The following SNORC variants were observed in gnomAD, a reference collection of about 807,000 sequenced individuals.
The protein encoded by SNORC is protein SNORC.
Under a neutral mutation model 9.7 loss-of-function variants are expected in SNORC, and 11 were observed. The observed-to-expected ratio is 1.14, with a 90% CI of 0.72 to 1.88. The LOEUF (loss-of-function observed/expected upper bound fraction) is 1.88, where lower values mean the gene tolerates loss of function less well. SNORC is among the 40% of genes most tolerant of loss of function. The pLI, the probability that SNORC is intolerant of heterozygous loss-of-function variation, is 0.00. For synonymous variants in SNORC, 108 were observed against 88.7 expected (o/e 1.22, Z -1.22); for missense variants, 197 against 173.1 (o/e 1.14, Z -0.77).
intron 1 of SNORC, among the ~76,000 whole-genome samples, chr2:232,874,648 C>T (rs951242212): frequency 6.6e-6 from 1 of 152,262 alleles, no homozygotes; most frequent in Non-Finnish European, 1.5e-5. Context: ...CTCGAGCATC[C>T]GCCTCTCTGG....
downstream of SNORC, chr2:232,876,757 C>T (rs1225670385): frequency 1.3e-5 from 13 of 985,444 alleles, no homozygotes; most frequent in South Asian, 4.7e-4. This position sits in a 1 kb window ranked among gnomAD's most constrained non-coding sequence, Gnocchi z 6.8. Flanking sequence ...GTGCGGCCAG[C>T]GGTCTTAGCC....
intron 1 of SNORC, chr2:232,875,624 C>T: frequency 2.0e-6 from 1 of 491,062 alleles, no homozygotes; most frequent in Non-Finnish European, 3.8e-6. Flanking sequence ...CTGAGAATGT[C>T]TCCTTTCTGC....
In SNORC at chr2:232,876,337, GAA is replaced by G; in HGVS notation, c.349_350del (p.Lys117ValfsTer?). The G allele has an allele frequency of 6.5e-7, 1 of 1,542,756 alleles. No homozygotes were observed. Among genetic ancestry groups the G allele is most frequent in the South Asian group, 1.2e-5 (1 of 84,462 alleles). On this transcript the variant is annotated frameshift_variant, in exon 3 of 3. Coordinates refer to ENST00000331342, the Ensembl canonical transcript of SNORC. LOFTEE classifies it high-confidence loss of function. This position sits in a 1 kb window ranked among gnomAD's most constrained non-coding sequence, Gnocchi z 6.8. ...CTGGCGCTCGTGGTCGTCGCGCTGA[GAA>G]AGTTTTCTGCCTCCTGAAGCGAATA...
intron 1 of SNORC, among the ~76,000 whole-genome samples, chr2:232,872,593 A>G (rs1559180890): frequency 6.6e-6 from 1 of 152,048 alleles, no homozygotes; most frequent in Non-Finnish European, 1.5e-5. Context: ...CCGCCATGGA[A>G]CTTTCTTGGG....
downstream of SNORC, chr2:232,877,960 G>A (rs1691339150): frequency 6.6e-6 from 1 of 152,232 alleles, no homozygotes; most frequent in African/African-American, 2.4e-5. Flanking sequence ...CTCCCCTCCA[G>A]GGACGAGAGA....
At chr2:232,869,330 C>T (rs1193208197), upstream of SNORC, among the ~76,000 whole-genome samples, 4 of 152,002 alleles carry the variant, frequency 2.6e-5, no homozygotes, top group Admixed American at 6.6e-5. Flanking sequence ...ACATAGAGCT[C>T]GTGGGTGGGA....
downstream of SNORC, chr2:232,876,940 G>A: frequency 1.0e-6 from 1 of 985,436 alleles, no homozygotes; most frequent in African/African-American, 1.7e-5. This position sits in a 1 kb window ranked among gnomAD's most constrained non-coding sequence, Gnocchi z 6.8. Context: ...GCTAGGGCAG[G>A]AGAGGCCGAC....
chr2:232,876,895 C>T (rs1163576694), downstream of SNORC: 17 of 985,312 alleles, frequency 1.7e-5, no homozygotes, highest in South Asian at 4.7e-5. The surrounding 1 kb of genome is among the most constrained non-coding windows in gnomAD (Gnocchi z 6.8). Context: ...CATCCCGCTC[C>T]GCTGGGGTTC....
chr2:232,876,567 G>A, downstream of SNORC: 3 of 1,163,688 alleles, frequency 2.6e-6, no homozygotes, highest in Non-Finnish European at 2.1e-6. The surrounding 1 kb of genome is among the most constrained non-coding windows in gnomAD (Gnocchi z 6.8). Context: ...CCGCAGGGGC[G>A]CCGGGGCGTG....
At chr2:232,871,840 G>A (rs963093130) in intron 1 of SNORC, among the ~76,000 whole-genome samples, 3 of 152,202 alleles carry the variant, frequency 2.0e-5, no homozygotes, top group Non-Finnish European at 2.9e-5. Flanking sequence ...CTGGGCCTGG[G>A]CTGCCTGTGG....
At chr2:232,877,556 A>C (rs1691321323), downstream of SNORC, 1 of 173,188 alleles carries the variant, frequency 5.8e-6, no homozygotes. Flanking sequence ...CTCTTTTTTA[A>C]AAATTCATTT....
rs1691232135 is a variant in SNORC, at chr2:232,876,188, G to A, written c.257-59G>A. On this transcript the variant is annotated intron_variant, in intron 2 of 2. Transcript: ENST00000331342. This position sits in a 1 kb window ranked among gnomAD's most constrained non-coding sequence, Gnocchi z 6.8. ...AGGAGGGGCGGGGGGCGGGGGGCGC[G>A]GGGAGAAGGGCCGGCCAGGCGGGGG... is the stretch of plus-strand genomic sequence containing the variant. 1 of 1,426,956 alleles carries A rather than the reference G, an allele frequency of 7.0e-7. No individual in the cohort carries two copies. The highest frequency in any genetic ancestry group is 2.6e-5 in the Admixed American group (1 of 38,902). The allele number at this position is 1,426,956 out of a possible 1,614,324, so 88.4% of individuals were successfully genotyped here. A position where few individuals can be genotyped will look rare whatever the true frequency, so the allele number is the denominator to read the frequency against.
chr2:232,868,652 C>A (rs1690921998), upstream of SNORC, among the ~76,000 whole-genome samples: 1 of 152,110 alleles, frequency 6.6e-6, no homozygotes, highest in Non-Finnish European at 1.5e-5. Context: ...AAAGATAAAT[C>A]CACCCCAACA....
upstream of SNORC, among the ~76,000 whole-genome samples, chr2:232,867,650 A>G (rs1690904003): frequency 6.6e-6 from 1 of 152,210 alleles, no homozygotes; most frequent in Non-Finnish European, 1.5e-5. Context: ...GCCTTGGCTC[A>G]CGCCTGCCTC....
At chr2:232,877,339 C>A, downstream of SNORC, 6 of 985,432 alleles carry the variant, frequency 6.1e-6, no homozygotes. Context: ...GGGTCCCCAC[C>A]TCGGAAGCAT....
rs1691244963 is a variant in SNORC at position 232,876,397 on chromosome 2, C to T, written c.*41C>T. On this transcript the variant is annotated 3_prime_UTR_variant, in exon 3 of 3. Transcript: ENST00000331342. The surrounding 1 kb of genome is among the most constrained non-coding windows in gnomAD (Gnocchi z 6.8). The stretch of plus-strand genomic sequence containing the variant: ...CGCGCCCGGCCGCGGCGCGACTCGG[C>T]TGCACTCCTCACGCGCCTGTATGTC... 6.6e-7 allele frequency: 1 copy of T among 1,506,334 alleles called. No homozygotes were observed. The highest frequency in any genetic ancestry group is 1.5e-5 in the African/African-American group (1 of 68,602). The allele number at this position is 1,506,334 out of a possible 1,614,324, so 93.3% of individuals were successfully genotyped here. A position where few individuals can be genotyped will look rare whatever the true frequency, so the allele number is the denominator to read the frequency against.
chr2:232,867,896 C>T (rs1690907863), upstream of SNORC, among the ~76,000 whole-genome samples: 1 of 152,192 alleles, frequency 6.6e-6, no homozygotes, highest in African/African-American at 2.4e-5. Context: ...CTGCCTAAAC[C>T]TTTGAGGAAG....
intron 1 of SNORC, chr2:232,875,686 G>C: frequency 1.8e-6 from 1 of 557,806 alleles, no homozygotes; most frequent in South Asian, 2.3e-5. Context: ...CCTATAAGCA[G>C]AGAAGGGCTT....
chr2:232,874,350 C>T (rs1402996856), intron 1 of SNORC, among the ~76,000 whole-genome samples: 1 of 152,172 alleles, frequency 6.6e-6, no homozygotes, highest in Non-Finnish European at 1.5e-5. Context: ...CTATCAAAAC[C>T]AGGAAGTGAG....
Sources: gnomAD v4.1 joint callset for allele counts (sites outside exome capture counted in the v4.1 genomes callset) on GRCh38, gnomAD v4.1.1 for gene constraint, Gnocchi (gnomAD v3.1) non-coding constraint, MANE v1.5 for transcripts, NCBI Gene and HGNC (gene_info 2026-07-23, HGNC 2026-07-21) for gene names.